HEATR1: variants seen among roughly 807,000 people sequenced by gnomAD.
The protein encoded by HEATR1 is HEAT repeat containing 1.
In HEATR1, 77 loss-of-function variants were observed where a neutral mutation model predicts 248.2. That is an observed-to-expected ratio of 0.31 (90% CI 0.26 to 0.37). HEATR1 has a LOEUF of 0.37. Among genes scored for constraint, HEATR1 ranks in the 10% least tolerant of loss-of-function variants. The pLI is 1.00. For missense variants in HEATR1, 2,420 were observed against 2,504.9 expected (o/e 0.97, Z 0.72); for synonymous variants, 897 against 923.1 (o/e 0.97, Z 0.51).
At chr1:236,602,980 C>T in intron 3 of HEATR1, 180 bp downstream of exon 3, 1 of 588,526 alleles carries the variant, frequency 1.7e-6, no homozygotes, top group South Asian at 2.2e-5. Context: ...TTCTACTTTT[C>T]ACTATCAACA....
At position 236,559,711 on chromosome 1, in the gene HEATR1, T is replaced by G; in HGVS notation, c.4770+3A>C. On this transcript the variant is annotated splice_donor_region_variant and intron_variant, in intron 34 of 44. Coordinates refer to ENST00000366582, the MANE Select transcript of HEATR1 (RefSeq NM_018072.6). ...GTAATTCCAGGGAGAAATGAACACC[T>G]ACCTTATCTAACAGGTCGTAAGCTT... 1 of 1,605,160 alleles carries G rather than the reference T, an allele frequency of 6.2e-7. No homozygotes were observed. The highest frequency in any genetic ancestry group is 1.1e-5 in the South Asian group (1 of 89,368).
chr1:236,593,302 G>C (rs927253473), intron 9 of HEATR1, among the ~76,000 whole-genome samples: 2 of 151,928 alleles, frequency 1.3e-5, no homozygotes, highest in African/African-American at 4.8e-5. Context: ...CCACAGAGTG[G>C]GGTTTCACAT....
rs1558182021 is a variant in HEATR1, at chr1:236,568,890, A to AAG, written c.4077+105_4077+106insCT. 1.2e-5 allele frequency: 7 copies of AAG among 607,616 alleles called. 1 individual carries two copies. The South Asian group carries it at 2.0e-4, about 17-fold the overall frequency. The allele number at this position is 607,616 out of a possible 1,614,324, so 37.6% of individuals were successfully genotyped here. ...TATACAACTGTTGAGGATATTAAAA[A>AAG]AAAAAAACAAAAAAAAAAAACTAAA... On this transcript the variant is annotated intron_variant, in intron 29 of 44. Transcript: ENST00000366582.
intron 26 of HEATR1, 62 bp downstream of exon 26, chr1:236,572,349 T>C: frequency 1.3e-6 from 2 of 1,511,076 alleles, no homozygotes; most frequent in East Asian, 2.3e-5. Context: ...AAGAGAATGT[T>C]AGATAAGATG....
intron 10 of HEATR1, among the ~76,000 whole-genome samples, 173 bp downstream of exon 10, chr1:236,592,350 A>G (rs1158041676): frequency 6.6e-6 from 1 of 152,054 alleles, no homozygotes; most frequent in South Asian, 2.1e-4. Context: ...CACAACCACT[A>G]TTTCCTCTTA....
At chr1:236,598,069 C>T (rs1031937286) in intron 4 of HEATR1, 90 bp from the exon 5 acceptor site, 1 of 704,328 alleles carries the variant, frequency 1.4e-6, no homozygotes, top group Non-Finnish European at 2.4e-6. Flanking sequence ...CTTCATACTG[C>T]TACAATTCAT....
At chr1:236,565,414 G>A (rs1022481566) in intron 31 of HEATR1, among the ~76,000 whole-genome samples, 4 of 152,102 alleles carry the variant, frequency 2.6e-5, no homozygotes, top group Non-Finnish European at 5.9e-5. Context: ...TCATTCTCCT[G>A]GGTAGCTGGG....
rs1662935998 is a variant in HEATR1, at chr1:236,555,328, T to C, written c.5891A>G (p.Asp1964Gly). Residue 1964 changes from aspartate to glycine, a missense_variant, in exon 41 of 45, where the codon GAC (aspartate) becomes GGC (glycine). Physicochemically the swap from Asp to Gly is moderately conservative, Grantham distance 94 (BLOSUM62 -1). Coordinates refer to ENST00000366582, the MANE Select transcript of HEATR1 (RefSeq NM_018072.6). ...FAGHLVKPFA[D>G]TLNQVNISKT... ...GGAGATGTTCACCTGGTTCAAGGTG[T>C]CAGCAAAAGGCTTCACTAAGTGGCC... 2 of 1,614,178 alleles carry C rather than the reference T, an allele frequency of 1.2e-6. No individual in the cohort carries two copies. Among genetic ancestry groups the C allele is most frequent in the Non-Finnish European group, 1.7e-6 (2 of 1,180,040 alleles).
At chr1:236,573,519 G>T (rs571713085) in intron 24 of HEATR1, among the ~76,000 whole-genome samples, 2 of 135,600 alleles carry the variant, frequency 1.5e-5, no homozygotes, top group South Asian at 4.7e-4. Context: ...CTAGGTATTA[G>T]ATAATACCAA....
At position 236,549,029 on chromosome 1, in the gene HEATR1, C is replaced by T. The variant is rs1464013207; in HGVS notation, c.*1873G>A. ...ATTCAATTTGAAAGATATTTATGGG[C>T]AACAAAGTAAGGTCAGGATTAGACT... On this transcript the variant is annotated 3_prime_UTR_variant, in exon 45 of 45. Coordinates refer to ENST00000366582, the MANE Select transcript of HEATR1 (RefSeq NM_018072.6). The T allele has an allele frequency of 5.0e-6, 2 of 398,400 alleles. No homozygotes were observed. The highest frequency in any genetic ancestry group is 2.1e-5 in the African/African-American group (1 of 48,596). 24.7% of individuals were successfully genotyped at this position (398,400 alleles called of 1,614,324 possible). A position where few individuals can be genotyped will look rare whatever the true frequency, so the allele number is the denominator to read the frequency against.
chr1:236,564,388 C>T (rs777892587), intron 32 of HEATR1, 110 bp downstream of exon 32: 50 of 850,954 alleles, frequency 5.9e-5, no homozygotes, highest in Non-Finnish European at 7.6e-5. Context: ...TCTTTAAAGG[C>T]GTGCCTCCCA....
intron 41 of HEATR1, among the ~76,000 whole-genome samples, 185 bp downstream of exon 41, chr1:236,555,111 A>T (rs1357592805): frequency 6.6e-6 from 1 of 152,218 alleles, no homozygotes; most frequent in African/African-American, 2.4e-5. Context: ...GACTTATAAC[A>T]TTCGCTCATG....
At chr1:236,558,636 G>A in intron 35 of HEATR1, 107 bp from the exon 36 acceptor site, 3 of 1,108,164 alleles carry the variant, frequency 2.7e-6, no homozygotes, top group Non-Finnish European at 3.9e-6. Flanking sequence ...CAGACTCGGG[G>A]GTCCTGAGTC....
chr1:236,587,969 C>T lies in HEATR1; in HGVS notation c.1605G>A (p.Leu535=), dbSNP rs78459283. Residue 535 remains leucine (L), a synonymous_variant, in exon 13 of 45, where the codon TTG becomes TTA. Coordinates refer to ENST00000366582, the MANE Select transcript of HEATR1 (RefSeq NM_018072.6). The part of the protein sequence containing the change: ...RLGDDNIDVV[L]SAISAFEIFK... ...TCACCTCAAAAGCACTTATAGCCGACAAAACAACATCTATATTATCATCAC... is the reference window on the plus strand; with the variant it reads ...TCACCTCAAAAGCACTTATAGCCGATAAAACAACATCTATATTATCATCAC... The T allele has an allele frequency of 0.017, 28,127 of 1,610,484 alleles. 911 individuals are homozygous for T. The highest frequency in any genetic ancestry group is 0.13 in the East Asian group (5,923 of 44,552).
intron 20 of HEATR1, among the ~76,000 whole-genome samples, chr1:236,580,777 A>G (rs937229741): frequency 1.3e-5 from 2 of 151,102 alleles, no homozygotes; most frequent in Admixed American, 1.3e-4. Context: ...TTAGCCTCCC[A>G]AAGTGCTGAG....
rs1485960193 is a variant in HEATR1 at position 236,558,446 on chromosome 1, G to C, written c.4995C>G (p.Ile1665Met). The C allele has an allele frequency of 2.5e-6, 4 of 1,614,130 alleles. No individual in the cohort carries two copies. The highest frequency in any genetic ancestry group is 2.5e-6 in the Non-Finnish European group (3 of 1,179,960). Residue 1665 changes from isoleucine (I) to methionine (M), a missense_variant, in exon 36 of 45, where the codon ATC (isoleucine) becomes ATG (methionine). Coordinates refer to ENST00000366582, the MANE Select transcript of HEATR1 (RefSeq NM_018072.6). The part of the protein sequence containing the change: ...KKKEGEEEQA[I>M]NRQTALYTLK... Reference sequence around the variant, plus strand: ...AGGTATACAACGCTGTCTGTCTGTTGATTGCTTGTTCTTCTTCCCCTTCCT... The same window carrying C: ...AGGTATACAACGCTGTCTGTCTGTTCATTGCTTGTTCTTCTTCCCCTTCCT...
chr1:236,596,817 A>G lies in HEATR1; in HGVS notation c.744+19T>C. On this transcript the variant is annotated intron_variant, in intron 6 of 44. Coordinates refer to ENST00000366582, the MANE Select transcript of HEATR1 (RefSeq NM_018072.6). ...CTTTAAGTACAAAATAATCTACTTA[A>G]CACATCAGCAGTGCCAACCTTTTGG... is the stretch of plus-strand genomic sequence containing the variant. 1 of 1,593,582 alleles carries G rather than the reference A, an allele frequency of 6.3e-7. No individual in the cohort carries two copies. The highest frequency in any genetic ancestry group is 8.5e-7 in the Non-Finnish European group (1 of 1,172,944).
chr1:236,560,540 C>T (rs1043180823), intron 33 of HEATR1, among the ~76,000 whole-genome samples: 8 of 152,142 alleles, frequency 5.3e-5, no homozygotes, highest in African/African-American at 1.2e-4. Context: ...GAAAGTCCTA[C>T]GCATAGCGCT....
Position 236,559,132 on chromosome 1 carries a change from T to A in HEATR1, c.4774A>T (p.Asn1592Tyr). Residue 1592 changes from asparagine to tyrosine, a missense_variant, in exon 35 of 45, where the codon AAT (asparagine) becomes TAT (tyrosine). Transcript: ENST00000366582. ...AATGTCTCTGTGGGCAGCAAGGCAT[T>A]GACCTAAAGAGAAATTTTATATTTA... ...SKAYDLLDKVNALLPTETFIP... is the reference protein window; with the variant it reads ...SKAYDLLDKVYALLPTETFIP... 1.9e-6 allele frequency: 3 copies of A among 1,561,708 alleles called. No individual in the cohort carries two copies. The highest frequency in any genetic ancestry group is 1.7e-6 in the Non-Finnish European group (2 of 1,162,582).
Sources: gnomAD v4.1 joint callset for allele counts (sites outside exome capture counted in the v4.1 genomes callset) on GRCh38, gnomAD v4.1.1 for gene constraint, MANE v1.5 for transcripts, NCBI Gene and HGNC (gene_info 2026-07-23, HGNC 2026-07-21) for gene names.